The following SMC6 variants were observed in gnomAD, a reference collection of about 807,000 sequenced individuals.
SMC6 encodes structural maintenance of chromosomes protein 6.
SMC6 carries 79 observed loss-of-function variants against 142.2 expected under a neutral mutation model. The ratio of observed to expected loss-of-function variants is 0.56; its 90% CI spans 0.46 to 0.67. The LOEUF (loss-of-function observed/expected upper bound fraction) is 0.67, where lower values mean the gene tolerates loss of function less well. Ranked by LOEUF, SMC6 falls within the 30% of genes least tolerant of loss-of-function variation. SMC6 has a pLI of 0.00. For synonymous variants in SMC6, 411 were observed against 412.4 expected (o/e 1.00, Z 0.04); for missense variants, 1,072 against 1,284.0 (o/e 0.83, Z 2.52).
At position 17,676,343 on chromosome 2, in the gene SMC6, G is replaced by A. The variant is rs1666993756; in HGVS notation, c.2910+2516C>T. Among the ~76,000 whole-genome samples the A allele has an allele frequency of 2.0e-5, 3 of 152,028 alleles. No individual in the cohort carries two copies. The East Asian group carries it at 5.8e-4, about 29-fold the overall frequency. ...TTTCTCTTGTAATTATCATCTGGTA[G>A]TCTGGTTCTATTTCCTACTTTAAAA... On this transcript the variant is annotated intron_variant, in intron 25 of 27. Transcript: ENST00000448223.
intron 9 of SMC6, among the ~76,000 whole-genome samples, chr2:17,724,329 T>C (rs537251951): frequency 1.6e-4 from 24 of 152,198 alleles, no homozygotes; most frequent in Non-Finnish European, 3.2e-4. Context: ...TGAGTTTTCA[T>C]TTAATGAACC....
chr2:17,734,800 C>T (rs868370898), intron 5 of SMC6, among the ~76,000 whole-genome samples: 2 of 152,060 alleles, frequency 1.3e-5, no homozygotes, highest in South Asian at 2.1e-4. Context: ...GGCATGATCT[C>T]GGCTCACTGC....
intron 15 of SMC6, among the ~76,000 whole-genome samples, chr2:17,715,338 C>T (rs574886008): frequency 1.4e-4 from 21 of 152,114 alleles, no homozygotes; most frequent in African/African-American, 4.8e-4. Flanking sequence ...AATTGTCCCA[C>T]TCTAATGTAA....
At chr2:17,706,237 T>C (rs1011671067) in intron 18 of SMC6, among the ~76,000 whole-genome samples, 5 of 152,190 alleles carry the variant, frequency 3.3e-5, no homozygotes, top group African/African-American at 9.6e-5. Context: ...ATTTTTTTTA[T>C]GAACCACGCT....
intron 11 of SMC6, 78 bp downstream of exon 11, chr2:17,720,862 G>T: frequency 8.4e-7 from 1 of 1,186,480 alleles, no homozygotes; most frequent in Non-Finnish European, 1.2e-6. Context: ...CTGATGGTTT[G>T]GTGGGTCATA....
At chr2:17,673,656 G>A (rs1666871561) in intron 25 of SMC6, among the ~76,000 whole-genome samples, 5 of 145,340 alleles carry the variant, frequency 3.4e-5, no homozygotes, top group Admixed American at 1.4e-4. Flanking sequence ...TGCAACCTCC[G>A]CCTCCCGGGT....
At chr2:17,680,828 G>C (rs1365615827) in intron 24 of SMC6, 1 of 152,114 alleles carries the variant, frequency 6.6e-6, no homozygotes, top group Non-Finnish European at 1.5e-5. Flanking sequence ...AATTCTTAAG[G>C]GTCCTAGGAT....
In SMC6 at chr2:17,671,608, CAAAAA is replaced by C. The variant is rs373510441; in HGVS notation, c.2911-1038_2911-1034del. Among the ~76,000 whole-genome samples the C allele has an allele frequency of 1.2e-4, 10 of 83,354 alleles. No individual in the cohort carries two copies. In the Admixed American group the frequency reaches 1.3e-3, roughly 11 times the overall value. The allele number at this position is 83,354 out of a possible 152,430, so 54.7% of individuals were successfully genotyped here. ...TGGTCGACAGAGCGAGACCCCGTCT[CAAAAA>C]AAAAAAAAAAAAAAAAAAAATTTCT... On this transcript the variant is annotated intron_variant, in intron 25 of 27. Transcript: ENST00000448223.
intron 7 of SMC6, among the ~76,000 whole-genome samples, chr2:17,728,064 A>G (rs1280399932): frequency 6.6e-6 from 1 of 152,188 alleles, no homozygotes; most frequent in Non-Finnish European, 1.5e-5. Flanking sequence ...GCTTCACCGA[A>G]GTTTATATTC....
At position 17,688,522 on chromosome 2, in the gene SMC6, G is replaced by A. The variant is rs552145012; in HGVS notation, c.2679-4759C>T. Among the ~76,000 whole-genome samples, 42 of 152,146 alleles carry A rather than the reference G, an allele frequency of 2.8e-4. 1 individual carries two copies. In the East Asian group the frequency reaches 3.5e-3, roughly 13 times the overall value. On this transcript the variant is annotated intron_variant, in intron 23 of 27. Coordinates refer to ENST00000448223, the MANE Select transcript of SMC6 (RefSeq NM_001142286.2). The stretch of plus-strand genomic sequence containing the variant: ...AGAGGTTGCAGTGAGCCGAGATCCT[G>A]CCACTGAACTCCAGCCTGGACAACA...
Position 17,703,243 on chromosome 2 carries a change from G to GA in SMC6, c.2055dup (p.Gln686SerfsTer8). On this transcript the variant is annotated frameshift_variant, in exon 19 of 28. Coordinates refer to ENST00000448223, the MANE Select transcript of SMC6 (RefSeq NM_001142286.2). LOFTEE classifies it high-confidence loss of function. ...TTTTCAAGGGCAGATAAATGTTGCT[G>GA]AAGATTTAATATCTGGGCCGTCTTA... 6.2e-7 allele frequency: 1 copy of GA among 1,606,504 alleles called. No individual in the cohort carries two copies. Among genetic ancestry groups the GA allele is most frequent in the Non-Finnish European group, 8.5e-7 (1 of 1,176,064 alleles).
intron 16 of SMC6, among the ~76,000 whole-genome samples, chr2:17,710,466 A>G (rs972043441): frequency 2.6e-5 from 4 of 152,206 alleles, no homozygotes; most frequent in Non-Finnish European, 5.9e-5. Context: ...TCAGTCATCA[A>G]TGTATGATCT....
At chr2:17,744,988 C>A (rs12995804) in intron 3 of SMC6, among the ~76,000 whole-genome samples, 1 of 152,134 alleles carries the variant, frequency 6.6e-6, no homozygotes, top group Non-Finnish European at 1.5e-5. Flanking sequence ...GCGGGTTCTG[C>A]AGATGTGAAT....
chr2:17,713,592 G>C (rs766723827), intron 16 of SMC6: 62 of 466,036 alleles, frequency 1.3e-4, no homozygotes, highest in South Asian at 9.1e-4. Context: ...TAAAATGACA[G>C]TTCAGATTCA....
chr2:17,726,391 T>C lies in SMC6; in HGVS notation c.622A>G (p.Lys208Glu). ...LQSKNEGDKY[K>E]FFMKATQLEQ... The stretch of plus-strand genomic sequence containing the variant: ...ATATTTACTTTGGTGCCACTTACTT[T>C]GTATTTGTCTCCTTCATTTTTAGAC... The change falls in exon 8 of 28, where the codon AAA becomes GAA. Residue 208 changes from lysine to glutamate, a missense_variant and splice_region_variant. Lys to Glu is a moderately conservative substitution (Grantham distance 56). This residue lies in a region of SMC6 where 994 missense variants were observed against 1,153.2 expected (regional missense o/e 0.86). Transcript: ENST00000448223. 6.2e-7 allele frequency: 1 copy of C among 1,609,138 alleles called. No individual in the cohort carries two copies. Among genetic ancestry groups the C allele is most frequent in the African/African-American group, 1.3e-5 (1 of 74,788 alleles).
At chr2:17,682,592 C>T (rs886880719) in intron 24 of SMC6, among the ~76,000 whole-genome samples, 2 of 152,068 alleles carry the variant, frequency 1.3e-5, no homozygotes, top group Non-Finnish European at 2.9e-5. Context: ...GAAGTAATTC[C>T]GACAGCTCAC....
At chr2:17,738,478 C>A in intron 4 of SMC6, 152 bp from the exon 5 acceptor site, 1 of 491,134 alleles carries the variant, frequency 2.0e-6, no homozygotes, top group Non-Finnish European at 3.4e-6. Context: ...TGCAAAGCAA[C>A]AACTTAAAAA....
chr2:17,687,409 CAG>C (rs1408125860), intron 23 of SMC6, among the ~76,000 whole-genome samples: 2 of 152,084 alleles, frequency 1.3e-5, no homozygotes, highest in Non-Finnish European at 2.9e-5. Flanking sequence ...ACTCACAAAA[CAG>C]AGTACAATGA....
chr2:17,733,003 GAT>G (rs1210713289), intron 5 of SMC6, among the ~76,000 whole-genome samples: 2 of 152,110 alleles, frequency 1.3e-5, no homozygotes, highest in Admixed American at 1.3e-4. Context: ...CATTAATAAA[GAT>G]ATAATTTTCT....
Sources: allele counts gnomAD v4.1 joint callset (sites outside exome capture counted in the v4.1 genomes callset), GRCh38; gene constraint gnomAD v4.1.1; regional missense constraint gnomAD v4.1.1; transcripts MANE v1.5; gene names NCBI Gene and HGNC (gene_info 2026-07-23, HGNC 2026-07-21).